Variants in RTN4RL1 observed in about 807,000 individuals in gnomAD.
RTN4RL1 encodes reticulon-4 receptor-like 1.
In RTN4RL1, 7 loss-of-function variants were observed where a neutral mutation model predicts 25.6. The ratio of observed to expected loss-of-function variants is 0.27; its 90% CI spans 0.16 to 0.51. The LOEUF is 0.51. Ranked by LOEUF, RTN4RL1 falls within the 20% of genes least tolerant of loss-of-function variation. The pLI, the probability that RTN4RL1 is intolerant of heterozygous loss-of-function variation, is 0.97. For synonymous variants in RTN4RL1, 297 were observed against 288.2 expected (o/e 1.03, Z -0.31); for missense variants, 500 against 615.6 (o/e 0.81, Z 1.99).
chr17:2,010,413 A>G (rs1597245214), intron 1 of RTN4RL1, among the ~76,000 whole-genome samples: 1 of 152,070 alleles, frequency 6.6e-6, no homozygotes, highest in East Asian at 1.9e-4. Flanking sequence ...GGAGACGGAG[A>G]TTGCAGTGAG....
chr17:1,978,441 C>T (rs868324257), intron 1 of RTN4RL1, among the ~76,000 whole-genome samples: 1 of 152,212 alleles, frequency 6.6e-6, no homozygotes, highest in Non-Finnish European at 1.5e-5. Flanking sequence ...AGAGGAGAGG[C>T]TTGGCCGACC....
intron 1 of RTN4RL1, among the ~76,000 whole-genome samples, chr17:1,964,306 G>C (rs2066779268): frequency 6.6e-6 from 1 of 151,990 alleles, no homozygotes; most frequent in Non-Finnish European, 1.5e-5. Context: ...AAATATTTTA[G>C]GCCCAGTGTG....
At chr17:2,004,244 T>C (rs1477018601) in intron 1 of RTN4RL1, among the ~76,000 whole-genome samples, 1 of 150,616 alleles carries the variant, frequency 6.6e-6, no homozygotes, top group Non-Finnish European at 1.5e-5. Context: ...GGCGGGCGCC[T>C]GTAGTCCTAG....
At chr17:1,943,055 C>T (rs1025956332) in intron 1 of RTN4RL1, among the ~76,000 whole-genome samples, 1 of 152,210 alleles carries the variant, frequency 6.6e-6, no homozygotes, top group African/African-American at 2.4e-5. Flanking sequence ...CCCAGGCCGG[C>T]CAGCCACAGC....
Position 1,985,580 on chromosome 17 carries a change from G to A in RTN4RL1, c.13+39273C>T, listed in dbSNP as rs561411140. 3.9e-5 allele frequency among the ~76,000 whole-genome samples: 6 copies of A among 152,298 alleles called. No homozygotes were observed. In the South Asian group the frequency reaches 8.3e-4, roughly 21 times the overall value. Reference sequence around the variant, plus strand: ...CCGGCTTTAAAAGCCCAGATTAATCGCCCTGGGCTGGTTCTGTCACACATA... The same window carrying A: ...CCGGCTTTAAAAGCCCAGATTAATCACCCTGGGCTGGTTCTGTCACACATA... On this transcript the variant is annotated intron_variant, in intron 1 of 1. Coordinates refer to ENST00000331238, the MANE Select transcript of RTN4RL1 (RefSeq NM_178568.4).
At chr17:1,956,151 C>A (rs1350971505) in intron 1 of RTN4RL1, among the ~76,000 whole-genome samples, 1 of 152,126 alleles carries the variant, frequency 6.6e-6, no homozygotes, top group East Asian at 1.9e-4. Context: ...CTCAGGGGGT[C>A]TCTATCTTTG....
intron 1 of RTN4RL1, among the ~76,000 whole-genome samples, chr17:2,016,112 G>A (rs2067119194): frequency 6.6e-6 from 1 of 152,172 alleles, no homozygotes; most frequent in Non-Finnish European, 1.5e-5. Flanking sequence ...CGGGCGCGGT[G>A]GCTCATGCCT....
intron 1 of RTN4RL1, among the ~76,000 whole-genome samples, chr17:1,983,908 C>G (rs578144556): frequency 2.0e-5 from 3 of 152,146 alleles, no homozygotes; most frequent in Non-Finnish European, 4.4e-5. Flanking sequence ...AGGCTCCACC[C>G]AATCCGGATC....
intron 1 of RTN4RL1, among the ~76,000 whole-genome samples, chr17:1,970,998 T>C (rs1339148324): frequency 6.6e-6 from 1 of 152,206 alleles, no homozygotes; most frequent in Non-Finnish European, 1.5e-5. Flanking sequence ...TCTTACCACG[T>C]GCCAGTGACT....
At chr17:2,022,213 G>A (rs1032423747) in intron 1 of RTN4RL1, among the ~76,000 whole-genome samples, 1 of 152,018 alleles carries the variant, frequency 6.6e-6, no homozygotes, top group Non-Finnish European at 1.5e-5. Flanking sequence ...CTACTTGGGA[G>A]GCTGAGGCAG....
intron 1 of RTN4RL1, among the ~76,000 whole-genome samples, chr17:1,950,846 CAAAAAAA>C (rs61660812): frequency 1.1e-3 from 20 of 17,796 alleles, no homozygotes; most frequent in African/African-American, 1.8e-3. Context: ...ACACAGTCTC[CAAAAAAA>C]AAAAAAAAAA....
At chr17:1,980,429 C>T (rs893192735) in intron 1 of RTN4RL1, among the ~76,000 whole-genome samples, 33 of 152,140 alleles carry the variant, frequency 2.2e-4, no homozygotes, top group African/African-American at 8.0e-4. Context: ...CAGCTTTTGA[C>T]ACTAATGTTT....
chr17:1,989,385 G>A lies in RTN4RL1; in HGVS notation c.13+35468C>T, dbSNP rs902339426. ...GGCACATCAAACTTTCTGACTCACT[G>A]TGCTTGCAGGCAAATAAATGCTTCC... is the stretch of plus-strand genomic sequence containing the variant. On this transcript the variant is annotated intron_variant, in intron 1 of 1. Coordinates refer to ENST00000331238, the MANE Select transcript of RTN4RL1 (RefSeq NM_178568.4). Among the ~76,000 whole-genome samples the A allele has an allele frequency of 1.7e-4, 26 of 150,486 alleles. 1 individual carries two copies. The highest frequency in any genetic ancestry group is 5.9e-4 in the African/African-American group (24 of 40,840).
chr17:2,008,200 C>G (rs1597242859), intron 1 of RTN4RL1, among the ~76,000 whole-genome samples: 1 of 144,694 alleles, frequency 6.9e-6, no homozygotes, highest in Non-Finnish European at 1.5e-5. Context: ...ACCCGGGAGG[C>G]AGAGGTTGCG....
chr17:2,005,737 CTT>C (rs1491294658), intron 1 of RTN4RL1, among the ~76,000 whole-genome samples: 1 of 111,138 alleles, frequency 9.0e-6, no homozygotes, highest in South Asian at 2.7e-4. Context: ...CTCTCTCTCT[CTT>C]TCTCTCTCTC....
intron 1 of RTN4RL1, among the ~76,000 whole-genome samples, chr17:2,004,362 T>C (rs567243970): frequency 0.011 from 1,356 of 123,144 alleles, 20 homozygotes; most frequent in Non-Finnish European, 0.015. Context: ...AGCGAGACTC[T>C]GTCTCAAAAA....
chr17:1,970,638 G>A (rs1018211729), intron 1 of RTN4RL1, among the ~76,000 whole-genome samples: 3 of 152,104 alleles, frequency 2.0e-5, no homozygotes, highest in Non-Finnish European at 2.9e-5. Context: ...CTGTGCCCTC[G>A]GCATCTAGCA....
intron 1 of RTN4RL1, among the ~76,000 whole-genome samples, chr17:1,950,116 G>T (rs1915642423): frequency 6.6e-6 from 1 of 152,208 alleles, no homozygotes; most frequent in African/African-American, 2.4e-5. Context: ...GGGAGCAACA[G>T]GATTGGGTTT....
intron 1 of RTN4RL1, among the ~76,000 whole-genome samples, chr17:1,977,899 C>T (rs1324283044): frequency 6.6e-6 from 1 of 151,826 alleles, no homozygotes; most frequent in Non-Finnish European, 1.5e-5. Context: ...CACCCCGCAT[C>T]CCGCACCTGC....
Sources: allele counts gnomAD v4.1 joint callset (sites outside exome capture counted in the v4.1 genomes callset), GRCh38; gene constraint gnomAD v4.1.1; transcripts MANE v1.5; gene names NCBI Gene and HGNC (gene_info 2026-07-23, HGNC 2026-07-21).